C12orf42: variants seen among roughly 807,000 people sequenced by gnomAD.
The protein encoded by C12orf42 is chromosome 12 open reading frame 42, also known as uncharacterized protein C12orf42.
In C12orf42, 25 loss-of-function variants were observed where a neutral mutation model predicts 21.6. That is an observed-to-expected ratio of 1.16 (90% confidence interval 0.84 to 1.62). The LOEUF (loss-of-function observed/expected upper bound fraction) is 1.62. C12orf42 is among the 40% of genes most tolerant of loss of function. The pLI is 0.00. For missense variants in C12orf42, 483 were observed against 459.3 expected (o/e 1.05, Z -0.47); for synonymous variants, 174 against 175.0 (o/e 0.99, Z 0.05).
chr12:103,122,266 G>A, the C12orf42 span, among the ~76,000 whole-genome samples: 44 of 152,302 alleles, frequency 2.9e-4, no homozygotes, highest in Middle Eastern at 3.4e-3. Context: ...GCAGTGATAC[G>A]TGGTAGGGTT....
the C12orf42 span, among the ~76,000 whole-genome samples, chr12:103,514,431 A>G: frequency 6.6e-6 from 1 of 152,156 alleles, no homozygotes; most frequent in Non-Finnish European, 1.5e-5. Flanking sequence ...GGAAGACGGG[A>G]AGAGCTAATG....
chr12:103,490,225 A>G (rs1466959472), intron 1 of C12orf42, among the ~76,000 whole-genome samples: 1 of 152,194 alleles, frequency 6.6e-6, no homozygotes, highest in Non-Finnish European at 1.5e-5. Flanking sequence ...TTAGTCTCTG[A>G]CATTTAAAAG....
At chr12:103,118,835 T>C in the C12orf42 span, among the ~76,000 whole-genome samples, 9 of 149,710 alleles carry the variant, frequency 6.0e-5, no homozygotes, top group South Asian at 2.1e-4. Context: ...ATGGTATGCC[T>C]TAGATTTATG....
At chr12:103,234,552 G>A (rs2033410310), downstream of C12orf42, among the ~76,000 whole-genome samples, 1 of 152,162 alleles carries the variant, frequency 6.6e-6, no homozygotes, top group East Asian at 1.9e-4. Flanking sequence ...CCCATTTACT[G>A]CCTAGTGTAC....
intron 2 of C12orf42, among the ~76,000 whole-genome samples, chr12:103,438,596 A>G: frequency 6.6e-6 from 1 of 151,958 alleles, no homozygotes; most frequent in Admixed American, 6.6e-5. Context: ...AATCACAAGC[A>G]TTCTTATACA....
At chr12:103,124,154 G>GTTTTTTT in the C12orf42 span, among the ~76,000 whole-genome samples, 1 of 94,312 alleles carries the variant, frequency 1.1e-5, no homozygotes, top group African/African-American at 4.1e-5. Flanking sequence ...CCAAACATAA[G>GTTTTTTT]CTTTTTTTTT....
the C12orf42 span, among the ~76,000 whole-genome samples, chr12:103,544,261 T>A: frequency 6.6e-6 from 1 of 152,180 alleles, no homozygotes; most frequent in East Asian, 1.9e-4. Flanking sequence ...TTATTTCACT[T>A]AAACTATTAA....
the C12orf42 span, among the ~76,000 whole-genome samples, chr12:103,540,345 A>G: frequency 6.6e-6 from 1 of 152,076 alleles, no homozygotes; most frequent in African/African-American, 2.4e-5. Context: ...ATTCTTCCAT[A>G]TTATTACTGA....
At chr12:103,432,898 G>A (rs1050681627) in intron 2 of C12orf42, among the ~76,000 whole-genome samples, 11 of 152,152 alleles carry the variant, frequency 7.2e-5, no homozygotes, top group African/African-American at 2.4e-4. Flanking sequence ...CCAAAACTAT[G>A]AGAAAATAAA....
chr12:103,231,140 G>A, the C12orf42 span, among the ~76,000 whole-genome samples: 6 of 151,976 alleles, frequency 3.9e-5, no homozygotes, highest in African/African-American at 9.7e-5. Context: ...TAATGTTTTC[G>A]ATGGACCTCA....
the C12orf42 span, among the ~76,000 whole-genome samples, chr12:103,180,990 G>C: frequency 7.9e-5 from 12 of 152,150 alleles, no homozygotes; most frequent in African/African-American, 2.6e-4. Flanking sequence ...TGGGTTGGGT[G>C]CGGTGGGTCA....
chr12:103,396,865 T>C (rs968953370), intron 3 of C12orf42, among the ~76,000 whole-genome samples: 10 of 152,212 alleles, frequency 6.6e-5, no homozygotes, highest in African/African-American at 2.2e-4. Context: ...GGAATCATGA[T>C]AAAGACTTTG....
the C12orf42 span, among the ~76,000 whole-genome samples, chr12:103,545,478 A>C: frequency 9.2e-5 from 14 of 152,226 alleles, no homozygotes; most frequent in African/African-American, 2.9e-4. Flanking sequence ...CAGAATATCT[A>C]AGAAAGGCAA....
chr12:103,254,805 G>A (rs1327239047), intron 10 of C12orf42, among the ~76,000 whole-genome samples: 1 of 152,196 alleles, frequency 6.6e-6, no homozygotes, highest in East Asian at 1.9e-4. Flanking sequence ...AATAGCTAAC[G>A]CATTCTGGGC....
chr12:103,285,974 G>C (rs2036428599), intron 4 of C12orf42, among the ~76,000 whole-genome samples: 1 of 152,190 alleles, frequency 6.6e-6, no homozygotes, highest in South Asian at 2.1e-4. Context: ...GGCCGGGCGT[G>C]GTGGCTCACG....
chr12:103,486,180 G>A (rs1037981426), intron 1 of C12orf42, among the ~76,000 whole-genome samples: 2 of 152,152 alleles, frequency 1.3e-5, no homozygotes, highest in East Asian at 1.9e-4. Flanking sequence ...TTTTTAGCAC[G>A]AAGCGCTGTT....
the C12orf42 span, among the ~76,000 whole-genome samples, chr12:103,051,199 T>G: frequency 9.9e-5 from 15 of 152,210 alleles, no homozygotes; most frequent in Admixed American, 7.9e-4. Flanking sequence ...TAATAAGGTA[T>G]AAGTTAGACC....
At chr12:103,341,009 A>G (rs944226850) in intron 4 of C12orf42, among the ~76,000 whole-genome samples, 2 of 148,050 alleles carry the variant, frequency 1.4e-5, no homozygotes, top group African/African-American at 5.0e-5. Context: ...GCTACTTGGG[A>G]GGCTGAGGCA....
At chr12:103,134,268 G>T in the C12orf42 span, among the ~76,000 whole-genome samples, 4 of 151,950 alleles carry the variant, frequency 2.6e-5, no homozygotes, top group East Asian at 3.9e-4. Flanking sequence ...CTAACAAAAA[G>T]AAATTTATGG....
Sources: allele counts gnomAD v4.1 joint callset (sites outside exome capture counted in the v4.1 genomes callset), GRCh38; gene constraint gnomAD v4.1.1; transcripts MANE v1.5; gene names NCBI Gene and HGNC (gene_info 2026-07-23, HGNC 2026-07-21).